FGF14: variants seen among roughly 807,000 people sequenced by gnomAD.
FGF14 encodes fibroblast growth factor homologous factor 4.
A neutral mutation model predicts 25.5 loss-of-function variants in FGF14; 5 were observed. The observed-to-expected ratio is 0.20, with a 90% CI of 0.10 to 0.41. The LOEUF (loss-of-function observed/expected upper bound fraction) is 0.41. Among genes scored for constraint, FGF14 ranks in the 10% least tolerant of loss-of-function variants. The pLI is 1.00. For missense variants in FGF14, 222 were observed against 320.1 expected (o/e 0.69, Z 2.34); for synonymous variants, 138 against 118.3 (o/e 1.17, Z -1.08).
intron 1 of FGF14, among the ~76,000 whole-genome samples, chr13:102,202,090 C>T (rs1027476266): frequency 2.0e-5 from 3 of 152,154 alleles, no homozygotes; most frequent in African/African-American, 7.2e-5. Context: ...AGTGCTGCCT[C>T]CCCCTTCGCC....
intron 1 of FGF14, among the ~76,000 whole-genome samples, chr13:101,979,533 A>C (rs960938043): frequency 2.0e-5 from 3 of 152,198 alleles, no homozygotes; most frequent in African/African-American, 7.2e-5. Flanking sequence ...CATGATTTAC[A>C]TCAGGTCCCC....
rs16959695 is a variant in FGF14, at chr13:102,093,025, C to T, written c.209-217729G>A. On this transcript the variant is annotated intron_variant, in intron 1 of 4. Transcript: ENST00000376131. ...ACATGTGTATTTTTATTCGGGAAAC[C>T]TGTTGGTGTGGACACATATATATAC... Among the ~76,000 whole-genome samples the T allele has an allele frequency of 5.5e-3, 834 of 152,198 alleles. 9 individuals are homozygous for T. Among genetic ancestry groups the T allele is most frequent in the African/African-American group, 0.018 (737 of 41,530 alleles).
intron 1 of FGF14, among the ~76,000 whole-genome samples, chr13:102,304,477 TACTC>T (rs905040804): frequency 3.9e-5 from 6 of 152,152 alleles, no homozygotes; most frequent in African/African-American, 1.4e-4. Context: ...GAATCACCAT[TACTC>T]AGTCAGATAG....
chr13:101,760,103 C>CT (rs2037921739), intron 3 of FGF14, among the ~76,000 whole-genome samples: 1 of 152,138 alleles, frequency 6.6e-6, no homozygotes, highest in African/African-American at 2.4e-5. Context: ...AGAAAATCCA[C>CT]TTTTTCATAC....
intron 1 of FGF14, among the ~76,000 whole-genome samples, chr13:102,349,497 T>C (rs972342627): frequency 2.6e-5 from 4 of 152,248 alleles, no homozygotes; most frequent in African/African-American, 9.6e-5. Context: ...TTAGCAGTCA[T>C]GTTTTCTGAT....
chr13:102,085,787 C>T (rs543745817), intron 1 of FGF14, among the ~76,000 whole-genome samples: 7 of 152,142 alleles, frequency 4.6e-5, no homozygotes, highest in Non-Finnish European at 1.0e-4. Context: ...GTCAGAGGTG[C>T]TAAAACCAAA....
chr13:102,030,719 C>A lies in FGF14; in HGVS notation c.209-155423G>T, dbSNP rs544069014. On this transcript the variant is annotated intron_variant, in intron 1 of 4. Coordinates refer to the FGF14 transcript ENST00000376131. ...GGACAGCCTGAGTCCCGCACAGGGACTTCGGGGAAGCCTAGAGGAAAGGTG... is the reference window on the plus strand; with the variant it reads ...GGACAGCCTGAGTCCCGCACAGGGAATTCGGGGAAGCCTAGAGGAAAGGTG... Among the ~76,000 whole-genome samples the A allele has an allele frequency of 5.3e-5, 8 of 152,080 alleles. No homozygotes were observed. The South Asian group carries it at 1.7e-3, about 32-fold the overall frequency.
At chr13:101,749,119 G>A (rs1305357049) in intron 3 of FGF14, among the ~76,000 whole-genome samples, 2 of 152,186 alleles carry the variant, frequency 1.3e-5, no homozygotes, top group East Asian at 3.9e-4. Context: ...TAAATTCATA[G>A]AAACAAATTA....
intron 1 of FGF14, among the ~76,000 whole-genome samples, chr13:101,924,893 T>C (rs1435291569): frequency 6.6e-6 from 1 of 152,122 alleles, no homozygotes; most frequent in Non-Finnish European, 1.5e-5. Context: ...GAATAAGAAC[T>C]CTTACATGGG....
At chr13:101,985,437 G>T (rs578101601) in intron 1 of FGF14, among the ~76,000 whole-genome samples, 2 of 151,940 alleles carry the variant, frequency 1.3e-5, no homozygotes, top group Admixed American at 6.6e-5. Flanking sequence ...ATGTTCCATG[G>T]ACCATGTGTT....
intron 1 of FGF14, among the ~76,000 whole-genome samples, chr13:102,287,495 C>T (rs944858717): frequency 2.0e-5 from 3 of 151,988 alleles, no homozygotes; most frequent in African/African-American, 7.2e-5. Flanking sequence ...TTTTTTTCTT[C>T]TCCTCTGCAA....
rs2034479763 is a variant in FGF14, at chr13:101,711,785, A to C, written c.*11046T>G. 6.6e-6 allele frequency: 1 copy of C among 152,264 alleles called. No homozygotes were observed. The highest frequency in any genetic ancestry group is 1.5e-5 in the Non-Finnish European group (1 of 68,078). 9.4% of individuals were successfully genotyped at this position (152,264 alleles called of 1,614,324 possible). A position where few individuals can be genotyped will look rare whatever the true frequency, so the allele number is the denominator to read the frequency against. On this transcript the variant is annotated 3_prime_UTR_variant, in exon 5 of 5. Transcript: ENST00000376143. ...CAGGGATGGAAGCCAGCAAAAATGC[A>C]CAGAAGGGAGATGGGAACATTCTCA...
intron 1 of FGF14, among the ~76,000 whole-genome samples, chr13:102,318,500 ACT>A (rs2056121209): frequency 6.6e-6 from 1 of 151,712 alleles, no homozygotes; most frequent in Non-Finnish European, 1.5e-5. Flanking sequence ...TGGGAGGGAG[ACT>A]CTGGTCCACG....
intron 3 of FGF14, among the ~76,000 whole-genome samples, chr13:101,760,844 C>T (rs2037979411): frequency 1.3e-5 from 2 of 152,088 alleles, no homozygotes; most frequent in African/African-American, 4.8e-5. Context: ...GAATGTAAGT[C>T]CTAGAGTAGC....
intron 3 of FGF14, among the ~76,000 whole-genome samples, chr13:101,817,681 C>T (rs1188215214): frequency 2.6e-5 from 4 of 152,142 alleles, no homozygotes; most frequent in Non-Finnish European, 5.9e-5. Context: ...CTCTGGTGTT[C>T]TGGGTGAAGG....
intron 1 of FGF14, among the ~76,000 whole-genome samples, chr13:101,959,827 C>A (rs372058326): frequency 6.6e-6 from 1 of 152,184 alleles, no homozygotes; most frequent in Non-Finnish European, 1.5e-5. Flanking sequence ...CATGCTTCAT[C>A]CATCCTCTCC....
chr13:101,936,668 C>G (rs556841690), intron 1 of FGF14, among the ~76,000 whole-genome samples: 1 of 152,112 alleles, frequency 6.6e-6, no homozygotes, highest in Non-Finnish European at 1.5e-5. Flanking sequence ...CTGCCTTCTT[C>G]CTAAAGTTCT....
At chr13:101,725,028 GACAT>G (rs2035316882) in intron 4 of FGF14, among the ~76,000 whole-genome samples, 2 of 151,918 alleles carry the variant, frequency 1.3e-5, no homozygotes, top group East Asian at 1.9e-4. Flanking sequence ...TCGGTTAAAT[GACAT>G]AACAGCCCTT....
intron 1 of FGF14, among the ~76,000 whole-genome samples, chr13:102,321,751 AT>A (rs1281963322): frequency 6.6e-6 from 1 of 152,186 alleles, no homozygotes; most frequent in East Asian, 1.9e-4. Context: ...AATCAGGAGC[AT>A]TAAGTATATG....
Sources: allele counts gnomAD v4.1 joint callset (sites outside exome capture counted in the v4.1 genomes callset), GRCh38; gene constraint gnomAD v4.1.1; transcripts MANE v1.5; gene names NCBI Gene and HGNC (gene_info 2026-07-23, HGNC 2026-07-21).